The following C11orf24 variants were observed in gnomAD, a reference collection of about 807,000 sequenced individuals.
C11orf24 encodes the protein chromosome 11 open reading frame 24.
C11orf24 carries 5 observed loss-of-function variants against 7.3 expected under a neutral mutation model. The observed-to-expected ratio is 0.69, with a 90% CI of 0.36 to 1.45. The LOEUF (loss-of-function observed/expected upper bound fraction) is 1.45. Ranked by LOEUF, C11orf24 falls within the 40% of genes most tolerant of loss-of-function variation. The probability of loss-of-function intolerance (pLI) is 0.03; values close to 1 mark genes in which losing one functional copy is unlikely to be tolerated. For missense variants in C11orf24, 566 were observed against 590.5 expected, an observed-to-expected ratio of 0.96 and a Z score of 0.43; for synonymous variants, 233 against 235.7, an observed-to-expected ratio of 0.99 and a Z score of 0.11.
chr11:68,271,088 A>C (rs966371990), intron 1 of C11orf24, among the ~76,000 whole-genome samples: 1 of 152,230 alleles, frequency 6.6e-6, no homozygotes, highest in Non-Finnish European at 1.5e-5. Flanking sequence ...TCCATTAGGC[A>C]GATCCACTGT....
At chr11:68,265,663 T>C (rs190827929) in intron 2 of C11orf24, among the ~76,000 whole-genome samples, 4 of 152,206 alleles carry the variant, frequency 2.6e-5, no homozygotes, top group Admixed American at 2.0e-4. Context: ...ATTTTTTTTG[T>C]GTGTGTGGAG....
At chr11:68,270,755 T>G (rs2153104549) in intron 1 of C11orf24, among the ~76,000 whole-genome samples, 1 of 152,212 alleles carries the variant, frequency 6.6e-6, no homozygotes, top group Non-Finnish European at 1.5e-5. Context: ...CACACCAAGT[T>G]AGGCAAGCTA....
intron 2 of C11orf24, among the ~76,000 whole-genome samples, chr11:68,265,247 G>C (rs2098564481): frequency 6.6e-6 from 1 of 152,180 alleles, no homozygotes; most frequent in South Asian, 2.1e-4. Context: ...TCACAGTAGG[G>C]GGATGCGAGT....
Position 68,262,621 on chromosome 11 carries a change from C to T in C11orf24, c.374G>A (p.Ser125Asn). ...TAASITTAAS[S>N]MTVASSAPTT... ...GGGAGCACTGGAGGCCACAGTCATA[C>T]TGGAGGCCGCAGTCGTAATGGAGGC... Residue 125 changes from serine to asparagine, a missense_variant, in exon 4 of 4, where the codon AGT (serine) becomes AAT (asparagine). Ser to Asn is a conservative substitution (Grantham distance 46). Coordinates refer to ENST00000304271, the MANE Select transcript of C11orf24 (RefSeq NM_022338.4). The T allele has an allele frequency of 6.2e-7, 1 of 1,613,684 alleles. No individual in the cohort carries two copies. Among genetic ancestry groups the T allele is most frequent in the Non-Finnish European group, 8.5e-7 (1 of 1,179,798 alleles).
intron 2 of C11orf24, among the ~76,000 whole-genome samples, chr11:68,265,199 C>T (rs944150935): frequency 2.0e-5 from 3 of 151,932 alleles, no homozygotes; most frequent in Admixed American, 6.6e-5. Flanking sequence ...GTCTGGAGAG[C>T]GTGAGGAGGC....
rs774695644 is a variant in C11orf24, at chr11:68,263,746, T to A, written c.22A>T (p.Ile8Phe). 6.2e-7 allele frequency: 1 copy of A among 1,613,322 alleles called. No individual in the cohort carries two copies. The highest frequency in any genetic ancestry group is 8.5e-7 in the Non-Finnish European group (1 of 1,179,946). Residue 8 changes from isoleucine to phenylalanine, a missense_variant, in exon 3 of 4, where the codon ATT becomes TTT. Physicochemically the swap from Ile to Phe is conservative, Grantham distance 21. Coordinates refer to ENST00000304271, the MANE Select transcript of C11orf24 (RefSeq NM_022338.4). MWTALVL[I>F]WIFSLSLSES... is the part of the protein sequence containing the mutation. ...GATAAGGACAAGGAGAAAATCCAAATGAGCACAAGAGCTGTCCACATCTTG... is the reference window on the plus strand; with the variant it reads ...GATAAGGACAAGGAGAAAATCCAAAAGAGCACAAGAGCTGTCCACATCTTG...
At chr11:68,264,831 G>A (rs2098564211) in intron 2 of C11orf24, among the ~76,000 whole-genome samples, 2 of 151,274 alleles carry the variant, frequency 1.3e-5, no homozygotes, top group Admixed American at 6.6e-5. Flanking sequence ...GCAGTCCATG[G>A]GAGACACAGA....
Position 68,262,677 on chromosome 11 carries a change from A to G in C11orf24, c.318T>C (p.Ala106=). Residue 106 remains alanine, a synonymous_variant, in exon 4 of 4, where the codon GCT becomes GCC. Coordinates refer to ENST00000304271, the MANE Select transcript of C11orf24 (RefSeq NM_022338.4). The part of the protein sequence containing the change: ...GGAADGVTSI[A]PTAVASSTTA... ...TCGTACTGGAGGCCACAGCCGTGGG[A>G]GCAATGGAGGTCACACCATCAGCTG... 6.2e-7 allele frequency: 1 copy of G among 1,614,090 alleles called. No homozygotes were observed. Among genetic ancestry groups the G allele is most frequent in the Non-Finnish European group, 8.5e-7 (1 of 1,180,024 alleles).
At position 68,262,864 on chromosome 11, in the gene C11orf24, A is replaced by G; in HGVS notation, c.131T>C (p.Val44Ala). 6.2e-7 allele frequency: 1 copy of G among 1,614,130 alleles called. No individual in the cohort carries two copies. The highest frequency in any genetic ancestry group is 8.5e-7 in the Non-Finnish European group (1 of 1,180,026). Residue 44 changes from valine to alanine, a missense_variant, in exon 4 of 4, where the codon GTG becomes GCG. Coordinates refer to ENST00000304271, the MANE Select transcript of C11orf24 (RefSeq NM_022338.4). ...AGACGTTTTATTATCAACTGTTTCC[A>G]CAGATGCATTCCTCTTGACTAATCC... The part of the protein sequence containing the change: ...WKGLVKRNAS[V>A]ETVDNKTSED...
Position 68,262,285 on chromosome 11 carries a change from A to G in C11orf24, c.710T>C (p.Met237Thr). ...MSTRPSPSKH[M>T]PSDTAASPVP... Reference sequence around the variant, plus strand: ...AGGGCTTGCCGCGGTGTCACTGGGCATGTGCTTGGAAGGACTTGGACGAGT... The same window carrying G: ...AGGGCTTGCCGCGGTGTCACTGGGCGTGTGCTTGGAAGGACTTGGACGAGT... The change falls in exon 4 of 4, where the codon ATG becomes ACG. Residue 237 changes from methionine to threonine, a missense_variant. Coordinates refer to ENST00000304271, the MANE Select transcript of C11orf24 (RefSeq NM_022338.4). 1 of 1,613,470 alleles carries G rather than the reference A, an allele frequency of 6.2e-7. No individual in the cohort carries two copies. Among genetic ancestry groups the G allele is most frequent in the Non-Finnish European group, 8.5e-7 (1 of 1,179,460 alleles).
chr11:68,263,925 C>A, intron 2 of C11orf24, 59 bp from the exon 3 acceptor site: 3 of 623,516 alleles, frequency 4.8e-6, no homozygotes, highest in Non-Finnish European at 2.8e-6. Flanking sequence ...ACAGCCTTGC[C>A]TGAGAGCACC....
At position 68,262,203 on chromosome 11, in the gene C11orf24, C is replaced by T; in HGVS notation, c.792G>A (p.Gln264=). 1 of 1,613,056 alleles carries T rather than the reference C, an allele frequency of 6.2e-7. No homozygotes were observed. The highest frequency in any genetic ancestry group is 1.7e-5 in the Admixed American group (1 of 59,990). ...ATTTATTTGTTGTGTTAACCACAGG[C>T]TGGTCCACTGACACCTGGCTAATGG... ...QGPISQVSVD[Q]PVVNTTNKST... The change falls in exon 4 of 4, where the codon CAG becomes CAA. Residue 264 remains glutamine, a synonymous_variant. Coordinates refer to ENST00000304271, the MANE Select transcript of C11orf24 (RefSeq NM_022338.4).
Position 68,262,294 on chromosome 11 carries a change from G to A in C11orf24, c.701C>T (p.Ser234Phe). ...SSPMSTRPSPSKHMPSDTAAS... is the reference protein window; with the variant it reads ...SSPMSTRPSPFKHMPSDTAAS... ...CGCGGTGTCACTGGGCATGTGCTTG[G>A]AAGGACTTGGACGAGTGCTCATGGG... Residue 234 changes from serine to phenylalanine, a missense_variant, in exon 4 of 4, where the codon TCC (serine) becomes TTC (phenylalanine). Coordinates refer to ENST00000304271, the MANE Select transcript of C11orf24 (RefSeq NM_022338.4). 1 of 1,613,518 alleles carries A rather than the reference G, an allele frequency of 6.2e-7. No individual in the cohort carries two copies. Among genetic ancestry groups the A allele is most frequent in the Non-Finnish European group, 8.5e-7 (1 of 1,179,494 alleles).
intron 1 of C11orf24, among the ~76,000 whole-genome samples, chr11:68,269,673 G>C (rs1412934374): frequency 2.6e-5 from 4 of 151,796 alleles, no homozygotes; most frequent in African/African-American, 9.7e-5. Context: ...CACACACAAA[G>C]GTGAGGGCAC....
At chr11:68,270,566 C>T (rs1591136436) in intron 1 of C11orf24, among the ~76,000 whole-genome samples, 1 of 140,728 alleles carries the variant, frequency 7.1e-6, no homozygotes, top group African/African-American at 2.7e-5. Context: ...GCCTGGGCAA[C>T]ATAGTGAGAC....
In C11orf24 at chr11:68,261,947, C is replaced by T. The variant is rs202001246; in HGVS notation, c.1048G>A (p.Glu350Lys). 2.5e-6 allele frequency: 4 copies of T among 1,613,962 alleles called. No individual in the cohort carries two copies. The highest frequency in any genetic ancestry group is 2.7e-5 in the African/African-American group (2 of 75,068). ...GTGGAATCAGTACCTGGTGTGGCTT[C>T]AGTCTCTACCTGCTCCGGTGCCTGG... ...TSQAPEQVETEATPGTDSTGP... is the reference protein window; with the variant it reads ...TSQAPEQVETKATPGTDSTGP... The change falls in exon 4 of 4, where the codon GAA (glutamate) becomes AAA (lysine). Residue 350 changes from glutamate to lysine, a missense_variant. Coordinates refer to ENST00000304271, the MANE Select transcript of C11orf24 (RefSeq NM_022338.4).
Position 68,262,048 on chromosome 11 carries a change from T to A in C11orf24, c.947A>T (p.Glu316Val), listed in dbSNP as rs756002207. Reference sequence around the variant, plus strand: ...TGTCGTGGGGGACATGGCCTCCATCTCAGGGATTGGGCTGGTGTGAGGTAC... The same window carrying A: ...TGTCGTGGGGGACATGGCCTCCATCACAGGGATTGGGCTGGTGTGAGGTAC... ...VPVPHTSPIP[E>V]MEAMSPTTQP... Residue 316 changes from glutamate to valine, a missense_variant, in exon 4 of 4, where the codon GAG (glutamate) becomes GTG (valine). Glu to Val is a moderately radical substitution (Grantham distance 121). Transcript: ENST00000304271. 2.5e-6 allele frequency: 4 copies of A among 1,613,790 alleles called. No individual in the cohort carries two copies. The highest frequency in any genetic ancestry group is 3.4e-6 in the Non-Finnish European group (4 of 1,180,012).
At chr11:68,268,714 A>G (rs2098566479) in intron 1 of C11orf24, among the ~76,000 whole-genome samples, 1 of 152,178 alleles carries the variant, frequency 6.6e-6, no homozygotes, top group African/African-American at 2.4e-5. Context: ...ACAAAAAACA[A>G]CAACGACTTC....
rs769363268 is a variant in C11orf24 at position 68,262,357 on chromosome 11, C to T, written c.638G>A (p.Arg213His). The change falls in exon 4 of 4, where the codon CGT becomes CAT. Residue 213 changes from arginine to histidine, a missense_variant. Transcript: ENST00000304271. Reference protein sequence around the residue: ...RTATLATLATRAQTVATTANT... With the variant: ...RTATLATLATHAQTVATTANT... ...TGCTGTGGTCGCTACAGTCTGAGCA[C>T]GTGTGGCCAATGTGGCCAGGGTTGC... The T allele has an allele frequency of 9.3e-6, 15 of 1,614,004 alleles. No homozygotes were observed. Among genetic ancestry groups the T allele is most frequent in the African/African-American group, 1.3e-5 (1 of 74,892 alleles).
Sources: allele counts gnomAD v4.1 joint callset (sites outside exome capture counted in the v4.1 genomes callset), GRCh38; gene constraint gnomAD v4.1.1; transcripts MANE v1.5; gene names NCBI Gene and HGNC (gene_info 2026-07-23, HGNC 2026-07-21).